The following ASAP2 variants were observed in gnomAD, a reference collection of about 807,000 sequenced individuals.
ASAP2 encodes ArfGAP with SH3 domain, ankyrin repeat and PH domain 2, also known as arf-GAP with SH3 domain, ANK repeat and PH domain-containing protein 2.
A neutral mutation model predicts 131.4 loss-of-function variants in ASAP2; 45 were observed. The observed-to-expected ratio is 0.34, with a 90% CI of 0.27 to 0.44. The LOEUF is 0.44. Ranked by LOEUF, ASAP2 falls within the 20% of genes least tolerant of loss-of-function variation. The pLI is 1.00. For synonymous variants in ASAP2, 510 were observed against 503.0 expected, an observed-to-expected ratio of 1.01 and a Z score of -0.19; for missense variants, 1,011 against 1,297.0, an observed-to-expected ratio of 0.78 and a Z score of 3.39.
intron 15 of ASAP2, among the ~76,000 whole-genome samples, chr2:9,362,969 C>T (rs1042814703): frequency 1.3e-5 from 2 of 152,134 alleles, no homozygotes; most frequent in African/African-American, 4.8e-5. Flanking sequence ...CCACCCCCAA[C>T]CCCTGGTAAC....
At chr2:9,318,675 C>A in intron 4 of ASAP2, 77 bp downstream of exon 4, 1 of 905,088 alleles carries the variant, frequency 1.1e-6, no homozygotes, top group Non-Finnish European at 1.7e-6. Context: ...TGCCGGGCAG[C>A]AGCCACGCCA....
chr2:9,387,231 T>C (rs1266489192), intron 21 of ASAP2, among the ~76,000 whole-genome samples: 2 of 113,674 alleles, frequency 1.8e-5, no homozygotes, highest in African/African-American at 5.9e-5. Context: ...AAAAAAACCA[T>C]ATAACCTTCA....
intron 21 of ASAP2, among the ~76,000 whole-genome samples, chr2:9,386,264 A>G (rs894192079): frequency 6.6e-6 from 1 of 152,242 alleles, no homozygotes; most frequent in Non-Finnish European, 1.5e-5. Flanking sequence ...CTGTCTGCTC[A>G]TGGAGTTAAC....
chr2:9,325,302 G>A (rs1670410810), intron 6 of ASAP2, among the ~76,000 whole-genome samples: 1 of 152,190 alleles, frequency 6.6e-6, no homozygotes, highest in East Asian at 1.9e-4. Context: ...ATGAGACAGG[G>A]ACTAGGAAAC....
chr2:9,283,161 T>C (rs1667246627), intron 2 of ASAP2, among the ~76,000 whole-genome samples: 1 of 152,170 alleles, frequency 6.6e-6, no homozygotes, highest in African/African-American at 2.4e-5. Context: ...CACTGCAGCC[T>C]CCGCCTCCTG....
chr2:9,266,254 C>T (rs1211847517), intron 1 of ASAP2, among the ~76,000 whole-genome samples: 1 of 150,816 alleles, frequency 6.6e-6, no homozygotes, highest in Admixed American at 6.6e-5. Flanking sequence ...TCAAGTGATC[C>T]TCCTGCTTCA....
At chr2:9,319,800 T>A (rs1670038745) in intron 4 of ASAP2, among the ~76,000 whole-genome samples, 1 of 152,214 alleles carries the variant, frequency 6.6e-6, no homozygotes, top group Non-Finnish European at 1.5e-5. Context: ...AGTCCTGAAT[T>A]GCACACGGAA....
chr2:9,284,964 G>C (rs1411734317), intron 2 of ASAP2, among the ~76,000 whole-genome samples: 1 of 152,172 alleles, frequency 6.6e-6, no homozygotes, highest in African/African-American at 2.4e-5. Flanking sequence ...TTCACAGCCT[G>C]AAAGCTAAGA....
chr2:9,375,136 G>A (rs930649225), intron 17 of ASAP2, among the ~76,000 whole-genome samples, 192 bp downstream of exon 17: 2 of 150,984 alleles, frequency 1.3e-5, no homozygotes, highest in South Asian at 4.2e-4. Flanking sequence ...AGTAAAATTG[G>A]CCAGGCATGG....
intron 2 of ASAP2, among the ~76,000 whole-genome samples, chr2:9,279,885 C>CACATACATATTTTTTAT (rs1667016619): frequency 6.6e-6 from 1 of 151,766 alleles, no homozygotes; most frequent in Non-Finnish European, 1.5e-5. Context: ...TATATATTTA[C>CACATACATATTTTTTAT]ACATATATAT....
chr2:9,222,355 G>A (rs1476502572), intron 1 of ASAP2, among the ~76,000 whole-genome samples: 1 of 152,232 alleles, frequency 6.6e-6, no homozygotes, highest in Non-Finnish European at 1.5e-5. Context: ...ATGGGTTTTA[G>A]ATATTTGCCT....
chr2:9,315,644 C>A (rs1669615529), intron 3 of ASAP2, among the ~76,000 whole-genome samples: 1 of 152,138 alleles, frequency 6.6e-6, no homozygotes, highest in Admixed American at 6.5e-5. Context: ...CCTCACTCAC[C>A]TGTCTGGCTG....
In ASAP2 at chr2:9,293,265, G is replaced by A. The variant is rs908197545; in HGVS notation, c.200-4035G>A. Reference sequence around the variant, plus strand: ...GGGTTTCGTGCAGTGAGGTGGGGGAGATAAAGGGGTGATGGCTTAGAATTG... The same window carrying A: ...GGGTTTCGTGCAGTGAGGTGGGGGAAATAAAGGGGTGATGGCTTAGAATTG... On this transcript the variant is annotated intron_variant, in intron 2 of 27. Coordinates refer to ENST00000281419, the MANE Select transcript of ASAP2 (RefSeq NM_003887.3). 3.9e-5 allele frequency among the ~76,000 whole-genome samples: 6 copies of A among 152,152 alleles called. No homozygotes were observed. The East Asian group carries it at 1.2e-3, about 29-fold the overall frequency.
chr2:9,332,286 G>A lies in ASAP2; in HGVS notation c.687-2452G>A, dbSNP rs570288114. On this transcript the variant is annotated intron_variant, in intron 7 of 27. Transcript: ENST00000281419. Reference sequence around the variant, plus strand: ...GACTGTCATAGGGACAGCAGCCAGCGGAGAAGGAATAGTGTTCCTTTTCTT... The same window carrying A: ...GACTGTCATAGGGACAGCAGCCAGCAGAGAAGGAATAGTGTTCCTTTTCTT... 6.8e-4 allele frequency among the ~76,000 whole-genome samples: 104 copies of A among 152,212 alleles called. No individual in the cohort carries two copies. The South Asian group carries it at 0.02, about 30-fold the overall frequency.
At chr2:9,315,945 A>G (rs1194345761) in intron 3 of ASAP2, among the ~76,000 whole-genome samples, 3 of 152,150 alleles carry the variant, frequency 2.0e-5, no homozygotes, top group Non-Finnish European at 4.4e-5. Context: ...TTAATTGATC[A>G]TTTATTTAGC....
chr2:9,246,466 A>G (rs1235840852), intron 1 of ASAP2, among the ~76,000 whole-genome samples: 1 of 151,870 alleles, frequency 6.6e-6, no homozygotes, highest in Non-Finnish European at 1.5e-5. Flanking sequence ...TTTTAAAACA[A>G]TTTTTTGTAG....
intron 1 of ASAP2, among the ~76,000 whole-genome samples, chr2:9,271,015 G>A (rs563563785): frequency 1.3e-4 from 20 of 151,410 alleles, no homozygotes; most frequent in African/African-American, 3.4e-4. Context: ...GGATAGTCTC[G>A]ATCTCGTGAC....
At chr2:9,334,982 G>C (rs958645760) in intron 8 of ASAP2, 111 bp from the exon 9 acceptor site, 1 of 1,358,590 alleles carries the variant, frequency 7.4e-7, no homozygotes. Context: ...TTTGACCAGC[G>C]AGGGAGGCAG....
intron 7 of ASAP2, among the ~76,000 whole-genome samples, chr2:9,332,161 C>T (rs1013801805): frequency 6.6e-6 from 1 of 152,082 alleles, no homozygotes. Context: ...TAATAGACAA[C>T]AAAATTTGAT....
Sources: allele counts gnomAD v4.1 joint callset (sites outside exome capture counted in the v4.1 genomes callset), GRCh38; gene constraint gnomAD v4.1.1; transcripts MANE v1.5; gene names NCBI Gene and HGNC (gene_info 2026-07-23, HGNC 2026-07-21).